Variants in KHDC4 observed in about 807,000 individuals in gnomAD.
KHDC4 encodes KH domain containing 4, pre-mRNA splicing factor.
In KHDC4, 19 loss-of-function variants were observed where a neutral mutation model predicts 74.5. The observed-to-expected ratio is 0.26, with a 90% CI of 0.18 to 0.37. KHDC4 has a LOEUF of 0.37. KHDC4 is among the 10% of genes least tolerant of loss of function. The pLI is 1.00. For missense variants in KHDC4, 632 were observed against 754.1 expected, an observed-to-expected ratio of 0.84 and a Z score of 1.90; for synonymous variants, 253 against 266.1, an observed-to-expected ratio of 0.95 and a Z score of 0.48.
intron 2 of KHDC4, among the ~76,000 whole-genome samples, chr1:155,931,341 G>T (rs1255048909): frequency 6.7e-6 from 1 of 148,468 alleles, no homozygotes; most frequent in African/African-American, 2.5e-5. Context: ...AAGAAAGAAT[G>T]AACGAAGGAA....
chr1:155,926,941 C>G lies in KHDC4; in HGVS notation c.518-102G>C, dbSNP rs1243422427. 2.1e-6 allele frequency: 3 copies of G among 1,399,874 alleles called. No homozygotes were observed. In the African/African-American group the frequency reaches 4.3e-5, roughly 20 times the overall value. The allele number at this position is 1,399,874 out of a possible 1,614,324, so 86.7% of individuals were successfully genotyped here. On this transcript the variant is annotated intron_variant, in intron 5 of 13. Transcript: ENST00000368321. ...CCGTAAATCTGCTTTATACGTTACC[C>G]AAATATGTGGCTCTCCATCCCTCTA... is the stretch of plus-strand genomic sequence containing the variant.
chr1:155,923,826 A>C, intron 7 of KHDC4, 139 bp from the exon 8 acceptor site: 1 of 618,758 alleles, frequency 1.6e-6, no homozygotes, highest in Non-Finnish European at 2.9e-6. Flanking sequence ...TGAAAATCAC[A>C]AAACAGAAAC....
Position 155,925,696 on chromosome 1 carries a change from C to A in KHDC4, c.829G>T (p.Gly277Cys). The change falls in exon 7 of 14, where the codon GGT (glycine) becomes TGT (cysteine). Residue 277 changes from glycine to cysteine, a missense_variant. Physicochemically the swap from Gly to Cys is radical, Grantham distance 159 (BLOSUM62 -3). Transcript: ENST00000368321. ...TGAKVFLRGKGSGCIEPASGR... is the reference protein window; with the variant it reads ...TGAKVFLRGKCSGCIEPASGR... ...GATGCTGGCTCAATGCAGCCTGAAC[C>A]TTTGCCCCGCAGGAAGACTTTGGCA... 6.2e-7 allele frequency: 1 copy of A among 1,614,176 alleles called. No homozygotes were observed. Among genetic ancestry groups the A allele is most frequent in the Non-Finnish European group, 8.5e-7 (1 of 1,180,048 alleles).
chr1:155,922,809 A>G (rs576083146), intron 8 of KHDC4, among the ~76,000 whole-genome samples: 3 of 152,030 alleles, frequency 2.0e-5, no homozygotes, highest in African/African-American at 7.2e-5. Flanking sequence ...GTACAAAAGT[A>G]AAAAAACAAA....
chr1:155,921,465 A>G lies in KHDC4; in HGVS notation c.1176T>C (p.Pro392=). Residue 392 remains proline, a synonymous_variant, in exon 10 of 14, where the codon CCT becomes CCC. Coordinates refer to ENST00000368321, the MANE Select transcript of KHDC4 (RefSeq NM_014949.4). Reference sequence around the variant, plus strand: ...CAGTAGGTAATGCCGGCAAGACTCCAGGTGCTAATGAAACAGCTGGTGGCA... The same window carrying G: ...CAGTAGGTAATGCCGGCAAGACTCCGGGTGCTAATGAAACAGCTGGTGGCA... ...SIVPPAVSLA[P]GVLPALPTGV... is the part of the protein sequence containing the mutation. The G allele has an allele frequency of 6.2e-7, 1 of 1,614,116 alleles. No homozygotes were observed. The highest frequency in any genetic ancestry group is 8.5e-7 in the Non-Finnish European group (1 of 1,180,014).
At chr1:155,928,819 G>T (rs761195557) in intron 4 of KHDC4, among the ~76,000 whole-genome samples, 7 of 151,762 alleles carry the variant, frequency 4.6e-5, no homozygotes, top group Non-Finnish European at 7.4e-5. Flanking sequence ...AGGCGTGGTG[G>T]CAGGTGCCTG....
intron 12 of KHDC4, among the ~76,000 whole-genome samples, 185 bp from the exon 13 acceptor site, chr1:155,916,149 C>A (rs1673724948): frequency 6.6e-6 from 1 of 152,116 alleles, no homozygotes; most frequent in African/African-American, 2.4e-5. Context: ...ACAGCAATTG[C>A]CATGACAAAA....
intron 2 of KHDC4, among the ~76,000 whole-genome samples, chr1:155,931,139 T>C (rs1674132204): frequency 6.6e-6 from 1 of 151,760 alleles, no homozygotes; most frequent in South Asian, 2.1e-4. Flanking sequence ...CTGGGTAACA[T>C]GGCAAAACCA....
chr1:155,916,630 C>CCT lies in KHDC4; in HGVS notation c.1546_1547dup (p.Asp517GlyfsTer5), dbSNP rs750586160. 1.2e-5 allele frequency: 19 copies of CCT among 1,582,222 alleles called. No individual in the cohort carries two copies. The highest frequency in any genetic ancestry group is 1.6e-5 in the Non-Finnish European group (19 of 1,153,942). On this transcript the variant is annotated frameshift_variant, in exon 12 of 14. Coordinates refer to ENST00000368321, the MANE Select transcript of KHDC4 (RefSeq NM_014949.4). LOFTEE classifies it high-confidence loss of function. Reference sequence around the variant, plus strand: ...GCATAATTATTCCAACTTACCTGTCCCTCTCTCTCTCTTTGCCTGAGGAAC... The same window carrying CCT: ...GCATAATTATTCCAACTTACCTGTCCCTCTCTCTCTCTCTTTGCCTGAGGAAC...
chr1:155,923,685 T>C lies in KHDC4; in HGVS notation c.896A>G (p.His299Arg). The C allele has an allele frequency of 6.2e-7, 1 of 1,612,080 alleles. No homozygotes were observed. Among genetic ancestry groups the C allele is most frequent in the Non-Finnish European group, 8.5e-7 (1 of 1,178,324 alleles). Residue 299 changes from histidine to arginine, a missense_variant and splice_region_variant, in exon 8 of 14, where the codon CAC (histidine) becomes CGC (arginine). This residue lies in a region of KHDC4 where 233 missense variants were observed against 342.6 expected (regional missense o/e 0.68). Coordinates refer to ENST00000368321, the MANE Select transcript of KHDC4 (RefSeq NM_014949.4). ...AFEPMYIYIS[H>R]PKPEGLAAAK... The stretch of plus-strand genomic sequence containing the variant: ...AGCAGCCAGGCCTTCTGGTTTGGGG[T>C]GACTGCAAAGAAATAACCAGGAATT...
In KHDC4 at chr1:155,929,804, T is replaced by C; in HGVS notation, c.292A>G (p.Ser98Gly). Residue 98 changes from serine to glycine, a missense_variant, in exon 3 of 14, where the codon AGC becomes GGC. By Grantham distance (56) the Ser-to-Gly change is moderately conservative. This residue lies in a region of KHDC4 where 233 missense variants were observed against 342.6 expected (regional missense o/e 0.68). Coordinates refer to ENST00000368321, the MANE Select transcript of KHDC4 (RefSeq NM_014949.4). ...APGKGLTSNK[S>G]KDDLVVAEVE... is the part of the protein sequence containing the mutation. ...TCAGCTACCACCAGGTCATCCTTGC[T>C]TTTATTGCTAGTTAGGCCTTTGCCA... 1 of 1,610,740 alleles carries C rather than the reference T, an allele frequency of 6.2e-7. No individual in the cohort carries two copies.
chr1:155,920,145 T>C (rs761155547), intron 10 of KHDC4: 28 of 296,676 alleles, frequency 9.4e-5, no homozygotes, highest in Non-Finnish European at 1.6e-4. Flanking sequence ...ACTTTCATGA[T>C]TTAAGAAATT....
intron 4 of KHDC4, among the ~76,000 whole-genome samples, chr1:155,928,156 CG>C (rs1194153007): frequency 6.6e-6 from 1 of 151,700 alleles, no homozygotes; most frequent in Non-Finnish European, 1.5e-5. Context: ...GGGAACCACC[CG>C]AGGTCAGGAC....
chr1:155,919,527 T>C (rs1314246408), intron 10 of KHDC4, among the ~76,000 whole-genome samples: 2 of 151,846 alleles, frequency 1.3e-5, no homozygotes, highest in African/African-American at 4.8e-5. Context: ...ATACAAACAT[T>C]AGGCCGGGCG....
intron 8 of KHDC4, 119 bp downstream of exon 8, chr1:155,923,508 C>A: frequency 1.4e-6 from 1 of 732,692 alleles, no homozygotes; most frequent in Non-Finnish European, 2.4e-6. Context: ...TTTAAGCCAC[C>A]CAACTGCCAT....
At chr1:155,925,116 T>G (rs193101094) in intron 7 of KHDC4, among the ~76,000 whole-genome samples, 2 of 150,340 alleles carry the variant, frequency 1.3e-5, no homozygotes, top group African/African-American at 4.9e-5. Context: ...AAGCTCCACC[T>G]CCCGGGTTCA....
intron 6 of KHDC4, chr1:155,926,199 TG>T (rs2102604854): frequency 2.3e-6 from 1 of 431,822 alleles, no homozygotes; most frequent in South Asian, 1.9e-5. Context: ...AAGAAATGTG[TG>T]ATCAGGTGTT....
intron 4 of KHDC4, among the ~76,000 whole-genome samples, chr1:155,928,908 C>T (rs1010669176): frequency 3.4e-5 from 5 of 148,304 alleles, no homozygotes; most frequent in Admixed American, 6.8e-5. Context: ...GCCGAGATCA[C>T]GCCACTGCAC....
intron 4 of KHDC4, among the ~76,000 whole-genome samples, chr1:155,927,833 CACACACA>C (rs1401104992): frequency 3.0e-4 from 2 of 6,756 alleles, no homozygotes; most frequent in Admixed American, 2.2e-3. Context: ...AAAAAAAAAC[CACACACA>C]CACACACACA....
Sources: allele counts gnomAD v4.1 joint callset (sites outside exome capture counted in the v4.1 genomes callset), GRCh38; gene constraint gnomAD v4.1.1; regional missense constraint gnomAD v4.1.1; transcripts MANE v1.5; gene names NCBI Gene and HGNC (gene_info 2026-07-23, HGNC 2026-07-21).